Variants in SOX6 observed in about 807,000 individuals in gnomAD.
SOX6 encodes transcription factor SOX-6.
In SOX6, 11 loss-of-function variants were observed where a neutral mutation model predicts 97.8. The ratio of observed to expected loss-of-function variants is 0.11; its 90% CI spans 0.07 to 0.19. The LOEUF is 0.19. Ranked by LOEUF, SOX6 falls within the 10% of genes least tolerant of loss-of-function variation. The pLI is 1.00. For synonymous variants in SOX6, 360 were observed against 371.4 expected, an observed-to-expected ratio of 0.97 and a Z score of 0.35; for missense variants, 810 against 1,039.5, an observed-to-expected ratio of 0.78 and a Z score of 3.04.
At chr11:16,394,061 T>A (rs2134430780) in intron 1 of SOX6, among the ~76,000 whole-genome samples, 1 of 152,128 alleles carries the variant, frequency 6.6e-6, no homozygotes, top group African/African-American at 2.4e-5. Context: ...ATAGCTCTAC[T>A]TTAACCATTT....
intron 2 of SOX6, among the ~76,000 whole-genome samples, chr11:16,326,998 T>A (rs1275666140): frequency 1.3e-5 from 2 of 152,310 alleles, no homozygotes; most frequent in African/African-American, 4.8e-5. Flanking sequence ...GTATGTTAGT[T>A]TCAGGATAGT....
chr11:16,186,723 A>G lies in SOX6; in HGVS notation c.708+60T>C. 4 of 1,556,616 alleles carry G rather than the reference A, an allele frequency of 2.6e-6. No homozygotes were observed. The South Asian group carries it at 4.5e-5, about 17-fold the overall frequency. ...AACAAATAAGCCAATCAATTTGATT[A>G]CTCTCTGAGCCTGGCACATTCCACA... On this transcript the variant is annotated intron_variant, in intron 5 of 15. Coordinates refer to ENST00000683767, the MANE Select transcript of SOX6 (RefSeq NM_001367873.1).
chr11:16,106,312 A>G (rs1190666759), intron 7 of SOX6, among the ~76,000 whole-genome samples: 2 of 151,994 alleles, frequency 1.3e-5, no homozygotes, highest in African/African-American at 4.8e-5. Flanking sequence ...AGCTACAGCA[A>G]TTAAAACAGG....
At chr11:15,982,327 T>A (rs892441323) in intron 15 of SOX6, among the ~76,000 whole-genome samples, 2 of 152,094 alleles carry the variant, frequency 1.3e-5, no homozygotes, top group African/African-American at 4.8e-5. Context: ...ATTCCCTATC[T>A]TGTAAATTTG....
chr11:16,040,342 G>C (rs1855627743), intron 12 of SOX6, among the ~76,000 whole-genome samples: 1 of 151,928 alleles, frequency 6.6e-6, no homozygotes. Context: ...TTTTAAGCTA[G>C]TAGCTAGGCA....
chr11:16,258,868 CATT>C (rs1237295692), intron 3 of SOX6, among the ~76,000 whole-genome samples: 2 of 151,352 alleles, frequency 1.3e-5, no homozygotes, highest in Non-Finnish European at 3.0e-5. Context: ...TATATACACA[CATT>C]ATATATACAT....
intron 9 of SOX6, among the ~76,000 whole-genome samples, chr11:16,067,724 T>C (rs1304741384): frequency 6.6e-6 from 1 of 152,156 alleles, no homozygotes; most frequent in African/African-American, 2.4e-5. Context: ...TACCCCACAT[T>C]ATATGATGTG....
At chr11:16,317,896 A>G (rs1356394952) in intron 3 of SOX6, 14 of 435,978 alleles carry the variant, frequency 3.2e-5, no homozygotes, top group Non-Finnish European at 5.5e-5. Context: ...ACTCTTGTAC[A>G]GAGTAGAGAA....
At chr11:16,135,016 G>A (rs145757245) in intron 6 of SOX6, among the ~76,000 whole-genome samples, 438 of 152,246 alleles carry the variant, frequency 2.9e-3, no homozygotes, top group Middle Eastern at 0.014. Flanking sequence ...TTACCATTCT[G>A]AAAATCCTAG....
chr11:16,699,960 T>C (rs902053412), intron 3 of SOX6, among the ~76,000 whole-genome samples: 1 of 152,046 alleles, frequency 6.6e-6, no homozygotes, highest in Admixed American at 6.6e-5. Context: ...ATTATACTGG[T>C]GAGCAAAAAC....
chr11:16,728,180 T>C (rs1590066810), intron 2 of SOX6, among the ~76,000 whole-genome samples: 1 of 152,286 alleles, frequency 6.6e-6, no homozygotes, highest in East Asian at 1.9e-4. Flanking sequence ...ACTTAAACGT[T>C]CCTGCCTGCT....
intron 4 of SOX6, among the ~76,000 whole-genome samples, chr11:16,543,543 A>T (rs1009255222): frequency 6.6e-5 from 10 of 152,164 alleles, no homozygotes; most frequent in African/African-American, 2.4e-4. Context: ...TTTGCAAATC[A>T]TATCTAAGTA....
intron 1 of SOX6, among the ~76,000 whole-genome samples, chr11:16,365,805 C>T (rs1010727664): frequency 2.0e-5 from 3 of 152,106 alleles, no homozygotes; most frequent in Admixed American, 2.0e-4. Context: ...ATTTTTTATG[C>T]CTTCATTTTG....
intron 3 of SOX6, among the ~76,000 whole-genome samples, chr11:16,252,197 C>T (rs1164961369): frequency 6.6e-6 from 1 of 152,236 alleles, no homozygotes; most frequent in South Asian, 2.1e-4. Context: ...TTCCCGTTTC[C>T]AGTCCAGCAT....
chr11:16,190,559 C>A (rs753474718), intron 4 of SOX6, among the ~76,000 whole-genome samples: 13 of 152,034 alleles, frequency 8.6e-5, no homozygotes, highest in Non-Finnish European at 1.5e-4. Flanking sequence ...ATGCAAATAC[C>A]AGGCCATTTT....
At chr11:16,342,016 C>A (rs1856652235) in intron 1 of SOX6, among the ~76,000 whole-genome samples, 1 of 151,924 alleles carries the variant, frequency 6.6e-6, no homozygotes, top group African/African-American at 2.4e-5. Context: ...GAAGTATATA[C>A]AAGATTCGAA....
intron 2 of SOX6, among the ~76,000 whole-genome samples, chr11:16,334,264 T>C (rs889985251): frequency 2.0e-5 from 3 of 152,188 alleles, no homozygotes; most frequent in Non-Finnish European, 4.4e-5. Context: ...AAAAAGTCTT[T>C]GCACAGATGT....
chr11:16,683,386 T>G (rs200062583), intron 3 of SOX6, among the ~76,000 whole-genome samples: 3 of 151,946 alleles, frequency 2.0e-5, no homozygotes, highest in East Asian at 1.9e-4. Context: ...CCAAAACAGA[T>G]ATATAGACCA....
intron 12 of SOX6, among the ~76,000 whole-genome samples, chr11:16,036,757 C>T (rs1855530858): frequency 6.6e-6 from 1 of 152,086 alleles, no homozygotes; most frequent in East Asian, 1.9e-4. Flanking sequence ...CAGAAAAATC[C>T]AGATGGACCC....
Sources: allele counts gnomAD v4.1 joint callset (sites outside exome capture counted in the v4.1 genomes callset), GRCh38; gene constraint gnomAD v4.1.1; transcripts MANE v1.5; gene names NCBI Gene and HGNC (gene_info 2026-07-23, HGNC 2026-07-21).